Variants in PLOD2 observed in about 807,000 individuals in gnomAD.
PLOD2 encodes the protein procollagen-lysine,2-oxoglutarate 5-dioxygenase 2.
In PLOD2, 65 loss-of-function variants were observed where a neutral mutation model predicts 101.0. The observed-to-expected ratio is 0.64, with a 90% CI of 0.53 to 0.79. The LOEUF is 0.79. PLOD2 is among the 30% of genes least tolerant of loss of function. The pLI is 0.00. For synonymous variants in PLOD2, 314 were observed against 302.9 expected, an observed-to-expected ratio of 1.04 and a Z score of -0.38; for missense variants, 909 against 914.6, an observed-to-expected ratio of 0.99 and a Z score of 0.08.
chr3:146,071,197 G>T (rs1936115949), intron 18 of PLOD2, 30 bp from the exon 19 acceptor site: 1 of 1,610,542 alleles, frequency 6.2e-7, no homozygotes, highest in Admixed American at 1.7e-5. Flanking sequence ...CAGTGGATTT[G>T]CTTATTAATA....
intron 11 of PLOD2, among the ~76,000 whole-genome samples, chr3:146,084,297 T>C (rs1313154789): frequency 6.6e-6 from 1 of 152,028 alleles, no homozygotes; most frequent in Non-Finnish European, 1.5e-5. Flanking sequence ...GGGCTGTATA[T>C]ACAGGTTGCT....
At chr3:146,099,346 C>A (rs1459970626) in intron 7 of PLOD2, among the ~76,000 whole-genome samples, 1 of 152,124 alleles carries the variant, frequency 6.6e-6, no homozygotes, top group Non-Finnish European at 1.5e-5. Flanking sequence ...AATCACTGAA[C>A]ATAAGGCCTT....
intron 5 of PLOD2, chr3:146,105,158 A>G (rs1235410592): frequency 6.6e-6 from 1 of 152,226 alleles, no homozygotes; most frequent in African/African-American, 2.4e-5. Context: ...ATTACTTTCA[A>G]TGTGACAGAA....
At chr3:146,119,717 T>C (rs1445106125) in intron 3 of PLOD2, among the ~76,000 whole-genome samples, 1 of 151,892 alleles carries the variant, frequency 6.6e-6, no homozygotes, top group African/African-American at 2.4e-5. Flanking sequence ...CTTGCGATAG[T>C]TTGCTGAGAA....
At chr3:146,132,916 T>G (rs369605014) in intron 1 of PLOD2, among the ~76,000 whole-genome samples, 1 of 152,188 alleles carries the variant, frequency 6.6e-6, no homozygotes, top group Non-Finnish European at 1.5e-5. Flanking sequence ...CGGTAGCTCA[T>G]GCCTGTAATC....
In PLOD2 at chr3:146,069,998, T is replaced by C. The variant is rs909643443; in HGVS notation, c.*719A>G. ...AATACTTTAAGAAATGGAAAGGTTTTCCTAAATCTAATACCTGCTTAATAT... is the reference window on the plus strand; with the variant it reads ...AATACTTTAAGAAATGGAAAGGTTTCCCTAAATCTAATACCTGCTTAATAT... On this transcript the variant is annotated 3_prime_UTR_variant, in exon 20 of 20. Coordinates refer to ENST00000282903, the MANE Select transcript of PLOD2 (RefSeq NM_182943.3). 1.3e-5 allele frequency: 2 copies of C among 152,006 alleles called. No individual in the cohort carries two copies. Among genetic ancestry groups the C allele is most frequent in the African/African-American group, 4.8e-5 (2 of 41,436 alleles). 9.4% of individuals were successfully genotyped at this position (152,006 alleles called of 1,614,324 possible).
At chr3:146,096,202 A>G (rs886255738) in intron 7 of PLOD2, among the ~76,000 whole-genome samples, 6 of 139,642 alleles carry the variant, frequency 4.3e-5, no homozygotes, top group Non-Finnish European at 7.8e-5. Context: ...AATGGTGCCC[A>G]GGCTGGAGTG....
chr3:146,146,691 T>G (rs2031796719), intron 1 of PLOD2, among the ~76,000 whole-genome samples: 1 of 152,178 alleles, frequency 6.6e-6, no homozygotes. Flanking sequence ...ATTTCTGAAT[T>G]CAATACTTCC....
chr3:146,127,468 C>T (rs2030638919), intron 1 of PLOD2, among the ~76,000 whole-genome samples: 1 of 152,016 alleles, frequency 6.6e-6, no homozygotes, highest in Non-Finnish European at 1.5e-5. Flanking sequence ...ATAATGGCCT[C>T]CAGCTCCATT....
chr3:146,112,090 C>G (rs181317187), intron 3 of PLOD2, among the ~76,000 whole-genome samples: 1 of 152,252 alleles, frequency 6.6e-6, no homozygotes, highest in Non-Finnish European at 1.5e-5. Context: ...TACAGTGTGG[C>G]AATTCCTCAA....
At chr3:146,118,320 T>C (rs1054262734) in intron 3 of PLOD2, among the ~76,000 whole-genome samples, 14 of 152,258 alleles carry the variant, frequency 9.2e-5, no homozygotes, top group Admixed American at 4.6e-4. Context: ...ACTTAATATT[T>C]TGTGTAAAAT....
chr3:146,089,598 C>G (rs1174281388), intron 8 of PLOD2, among the ~76,000 whole-genome samples: 1 of 151,206 alleles, frequency 6.6e-6, no homozygotes, highest in Non-Finnish European at 1.5e-5. Context: ...AATTAGCAAC[C>G]TTCTTCCATT....
intron 1 of PLOD2, among the ~76,000 whole-genome samples, chr3:146,147,371 T>C (rs993759180): frequency 2.0e-5 from 3 of 152,188 alleles, no homozygotes; most frequent in Non-Finnish European, 4.4e-5. Context: ...GAATCCAGTA[T>C]GAACAGAGTG....
chr3:146,081,838 G>A lies in PLOD2; in HGVS notation c.1258C>T (p.Arg420Cys), dbSNP rs142041189. 7 of 1,612,288 alleles carry A rather than the reference G, an allele frequency of 4.3e-6. No individual in the cohort carries two copies. The highest frequency in any genetic ancestry group is 2.2e-5 in the East Asian group (1 of 44,752). Residue 420 changes from arginine to cysteine, a missense_variant, in exon 12 of 20, where the codon CGT (arginine) becomes TGT (cysteine). Coordinates refer to ENST00000282903, the MANE Select transcript of PLOD2 (RefSeq NM_182943.3). ...AAATTGGACCACAGCTTTCCATGAC[G>A]AGTTACAAGAGGAGCAATGATCTTT... is the stretch of plus-strand genomic sequence containing the variant. ...NRKIIAPLVTRHGKLWSNFWG... is the reference protein window; with the variant it reads ...NRKIIAPLVTCHGKLWSNFWG...
At chr3:146,091,405 T>C (rs1406594662) in intron 8 of PLOD2, among the ~76,000 whole-genome samples, 1 of 151,962 alleles carries the variant, frequency 6.6e-6, no homozygotes, top group African/African-American at 2.4e-5. Flanking sequence ...GTTTGTTATA[T>C]AATCAGGTAG....
At chr3:146,092,048 C>A (rs909653115) in intron 7 of PLOD2, 147 bp from the exon 8 acceptor site, 4 of 633,134 alleles carry the variant, frequency 6.3e-6, no homozygotes, top group African/African-American at 5.5e-5. Context: ...TAGGTGCACA[C>A]TGAATAGTCT....
intron 1 of PLOD2, among the ~76,000 whole-genome samples, chr3:146,133,500 C>T (rs1488961103): frequency 6.6e-6 from 1 of 152,158 alleles, no homozygotes; most frequent in Non-Finnish European, 1.5e-5. Context: ...TACCTCTCTA[C>T]TTCTGCGTCT....
chr3:146,110,635 TATTA>T (rs1369091596), intron 3 of PLOD2, among the ~76,000 whole-genome samples, 187 bp from the exon 4 acceptor site: 1 of 152,212 alleles, frequency 6.6e-6, no homozygotes, highest in Non-Finnish European at 1.5e-5. Flanking sequence ...TGTATTGAAT[TATTA>T]GTTTACATTA....
chr3:146,124,736 T>C (rs944117812), intron 1 of PLOD2, among the ~76,000 whole-genome samples: 3 of 152,124 alleles, frequency 2.0e-5, no homozygotes, highest in Non-Finnish European at 2.9e-5. Context: ...GGAGCAAATA[T>C]TTAAAACAAA....
Sources: gnomAD v4.1 joint callset for allele counts (sites outside exome capture counted in the v4.1 genomes callset) on GRCh38, gnomAD v4.1.1 for gene constraint, MANE v1.5 for transcripts, NCBI Gene and HGNC (gene_info 2026-07-23, HGNC 2026-07-21) for gene names.